The following MTOR variants were observed in gnomAD, a reference collection of about 807,000 sequenced individuals.
MTOR encodes mechanistic target of rapamycin kinase.
MTOR carries 70 observed loss-of-function variants against 319.8 expected under a neutral mutation model. The ratio of observed to expected loss-of-function variants is 0.22; its 90% CI spans 0.18 to 0.27. The LOEUF (loss-of-function observed/expected upper bound fraction) is 0.27. MTOR is among the 10% of genes least tolerant of loss of function. The pLI is 1.00. For synonymous variants in MTOR, 1,183 were observed against 1,211.4 expected, an observed-to-expected ratio of 0.98 and a Z score of 0.49; for missense variants, 1,890 against 3,274.4, an observed-to-expected ratio of 0.58 and a Z score of 10.32.
In MTOR at chr1:11,133,543, C is replaced by T. The variant is rs1643263893; in HGVS notation, c.5247-346G>A. On this transcript the variant is annotated intron_variant, in intron 37 of 57. Transcript: ENST00000361445. The surrounding 1 kb of genome is among the most constrained non-coding windows in gnomAD (Gnocchi z 4.0). ...CTTTATTGATTGCTATATGGCTTCT[C>T]CCTTACTTTTCCCTTTGCCTCCATT... 6.6e-6 allele frequency among the ~76,000 whole-genome samples: 1 copy of T among 152,142 alleles called. No individual in the cohort carries two copies. The highest frequency in any genetic ancestry group is 1.5e-5 in the Non-Finnish European group (1 of 68,038).
intron 11 of MTOR, among the ~76,000 whole-genome samples, chr1:11,239,764 G>A (rs1190889388): frequency 6.6e-6 from 1 of 152,006 alleles, no homozygotes; most frequent in Non-Finnish European, 1.5e-5. Context: ...AATTAGCCGG[G>A]TGTGGTGACA....
chr1:11,138,407 G>C (rs917009628), intron 36 of MTOR, among the ~76,000 whole-genome samples: 9 of 152,324 alleles, frequency 5.9e-5, no homozygotes, highest in African/African-American at 2.2e-4. Context: ...CAGGTGCCTG[G>C]GTACAGGCTG....
In MTOR at chr1:11,106,622, T is replaced by G. The variant is rs762137282; in HGVS notation, c.*863A>C. ...AGACATGGCTACACTTTATACTTTG[T>G]GCATTTAGTTGAGTATTTGTTCTGC... On this transcript the variant is annotated 3_prime_UTR_variant, in exon 58 of 58. Transcript: ENST00000361445. 12 of 1,088,954 alleles carry G rather than the reference T, an allele frequency of 1.1e-5. No homozygotes were observed. Among genetic ancestry groups the G allele is most frequent in the Non-Finnish European group, 1.3e-5 (12 of 892,818 alleles). The allele number at this position is 1,088,954 out of a possible 1,614,324, so 67.5% of individuals were successfully genotyped here.
In MTOR at chr1:11,241,622, C is replaced by T; in HGVS notation, c.1472G>A (p.Arg491Gln). 1.2e-6 allele frequency: 2 copies of T among 1,613,956 alleles called. No homozygotes were observed. The highest frequency in any genetic ancestry group is 1.7e-6 in the Non-Finnish European group (2 of 1,179,840). The stretch of plus-strand genomic sequence containing the variant: ...CTGCTGGATGCCTGGCCCCATTGCT[C>T]GAGCCAGCATGCTGATGCAAGTGAA... ...TVFTCISMLA[R>Q]AMGPGIQQDI... is the part of the protein sequence containing the mutation. Residue 491 changes from arginine to glutamine, a missense_variant, in exon 10 of 58, where the codon CGA (arginine) becomes CAA (glutamine). Arg to Gln is a conservative substitution (Grantham distance 43). Transcript: ENST00000361445.
rs1249141634 is a variant in MTOR at position 11,251,657 on chromosome 1, T to TTC, written c.840+2181_840+2182insGA. ...AATACCTTATATTTAGATAGTTTCT[T>TTC]TTTTTTTTTTTTTTTTTAGTGACAA... is the stretch of plus-strand genomic sequence containing the variant. On this transcript the variant is annotated intron_variant, in intron 6 of 57. Coordinates refer to ENST00000361445, the MANE Select transcript of MTOR (RefSeq NM_004958.4). Among the ~76,000 whole-genome samples the TTC allele has an allele frequency of 1.8e-4, 26 of 143,480 alleles. 1 individual carries two copies. The highest frequency in any genetic ancestry group is 6.5e-4 in the South Asian group (3 of 4,592). 94.1% of individuals were successfully genotyped at this position (143,480 alleles called of 152,430 possible). A position where few individuals can be genotyped will look rare whatever the true frequency, so the allele number is the denominator to read the frequency against.
chr1:11,216,253 C>A lies in MTOR; in HGVS notation c.3031-19G>T. On this transcript the variant is annotated intron_variant, in intron 19 of 57. Coordinates refer to ENST00000361445, the MANE Select transcript of MTOR (RefSeq NM_004958.4). ...ACAAAAACTGAAATGGACAAGAGGT[C>A]AACCAGCTGGTATCATGAAGGACAT... is the stretch of plus-strand genomic sequence containing the variant. 1.2e-6 allele frequency: 2 copies of A among 1,602,846 alleles called. No individual in the cohort carries two copies. Among genetic ancestry groups the A allele is most frequent in the South Asian group, 1.1e-5 (1 of 90,788 alleles).
chr1:11,181,822 C>T (rs1034166425), intron 28 of MTOR, among the ~76,000 whole-genome samples: 4 of 152,138 alleles, frequency 2.6e-5, no homozygotes, highest in Non-Finnish European at 5.9e-5. Flanking sequence ...TTGTCTTAGG[C>T]TTTATGCTAA....
At chr1:11,222,475 G>A (rs1278666204) in intron 19 of MTOR, among the ~76,000 whole-genome samples, 2 of 152,116 alleles carry the variant, frequency 1.3e-5, no homozygotes, top group African/African-American at 2.4e-5. Context: ...GGGATTACAG[G>A]CGTGGGCCAC....
intron 14 of MTOR, 60 bp from the exon 15 acceptor site, chr1:11,233,547 T>A: frequency 2.2e-6 from 3 of 1,341,252 alleles, no homozygotes; most frequent in Non-Finnish European, 3.2e-6. Flanking sequence ...AACCTTTCTT[T>A]TATATAAGTA....
intron 34 of MTOR, among the ~76,000 whole-genome samples, chr1:11,142,264 C>A (rs979009191): frequency 1.3e-5 from 2 of 151,908 alleles, no homozygotes; most frequent in Non-Finnish European, 2.9e-5. Flanking sequence ...CCTGTAATCC[C>A]AGAACTTTGG....
rs2100362885 is a variant in MTOR at position 11,122,066 on chromosome 1, G to A, written c.6723C>T (p.Pro2241=). 6.2e-7 allele frequency: 1 copy of A among 1,614,210 alleles called. No homozygotes were observed. The highest frequency in any genetic ancestry group is 1.1e-5 in the South Asian group (1 of 91,082). ...TGAGGGCGTGCAGTGTGTCACAGTG[G>A]GGAACCCAGCCAATGAGGCCCGAGT... The part of the protein sequence containing the change: ...STNSGLIGWV[P]HCDTLHALIR... Residue 2241 remains proline, a synonymous_variant, in exon 48 of 58, where the codon CCC becomes CCT. Transcript: ENST00000361445.
At chr1:11,112,271 C>T (rs917487614) in intron 54 of MTOR, among the ~76,000 whole-genome samples, 4 of 152,180 alleles carry the variant, frequency 2.6e-5, no homozygotes, top group African/African-American at 9.7e-5. Context: ...CAAGGTAATA[C>T]TGTTAATAAT....
chr1:11,254,476 T>C (rs955185428), intron 5 of MTOR, among the ~76,000 whole-genome samples: 1 of 152,120 alleles, frequency 6.6e-6, no homozygotes, highest in African/African-American at 2.4e-5. Context: ...TTGAGGAAGA[T>C]ACCATCATCA....
chr1:11,114,549 C>T (rs1049653019), intron 52 of MTOR, 96 bp from the exon 53 acceptor site: 1 of 1,534,738 alleles, frequency 6.5e-7, no homozygotes. Flanking sequence ...GAAGCAGACA[C>T]AGGCCATGTT....
At chr1:11,184,687 T>G (rs984058612) in intron 28 of MTOR, among the ~76,000 whole-genome samples, 1 of 152,058 alleles carries the variant, frequency 6.6e-6, no homozygotes, top group Admixed American at 6.6e-5. Flanking sequence ...GCTATATGAT[T>G]GCACTACAGC....
chr1:11,189,858 G>A (rs747577193), intron 28 of MTOR: 6 of 1,614,054 alleles, frequency 3.7e-6, no homozygotes, highest in Non-Finnish European at 4.2e-6. Context: ...GCATGGAGTC[G>A]CGGCTCACAG....
chr1:11,152,722 T>C (rs192373032), intron 30 of MTOR, among the ~76,000 whole-genome samples: 20 of 152,344 alleles, frequency 1.3e-4, no homozygotes, highest in African/African-American at 4.6e-4. Context: ...TCATTCTTCA[T>C]GTCACCTCTG....
At chr1:11,140,643 CA>C (rs1241243432) in intron 34 of MTOR, among the ~76,000 whole-genome samples, 2 of 152,122 alleles carry the variant, frequency 1.3e-5, no homozygotes, top group African/African-American at 4.8e-5. Context: ...TGACTTTGGG[CA>C]AATCACTTAA....
chr1:11,112,793 C>T, intron 54 of MTOR, 59 bp downstream of exon 54: 3 of 1,578,940 alleles, frequency 1.9e-6, no homozygotes, highest in South Asian at 2.2e-5. Flanking sequence ...GCCCACCCCA[C>T]TCTACAAACA....
Sources: allele counts gnomAD v4.1 joint callset (sites outside exome capture counted in the v4.1 genomes callset), GRCh38; gene constraint gnomAD v4.1.1; non-coding constraint Gnocchi (gnomAD v3.1); transcripts MANE v1.5; gene names NCBI Gene and HGNC (gene_info 2026-07-23, HGNC 2026-07-21).